Variants in CLINT1 observed in about 807,000 individuals in gnomAD.
The protein encoded by CLINT1 is clathrin interacting protein localized in the trans-Golgi region.
A neutral mutation model predicts 70.4 loss-of-function variants in CLINT1; 15 were observed. The ratio of observed to expected loss-of-function variants is 0.21; its 90% CI spans 0.14 to 0.33. The LOEUF (loss-of-function observed/expected upper bound fraction) is 0.33. Ranked by LOEUF, CLINT1 falls within the 10% of genes least tolerant of loss-of-function variation. The pLI is 1.00. For missense variants in CLINT1, 615 were observed against 778.1 expected (o/e 0.79, Z 2.49); for synonymous variants, 227 against 254.7 (o/e 0.89, Z 1.04).
chr5:157,850,641 T>C (rs1344254318), intron 1 of CLINT1, among the ~76,000 whole-genome samples: 3 of 139,408 alleles, frequency 2.2e-5, no homozygotes, highest in South Asian at 2.3e-4. Context: ...AAAAAAAAAT[T>C]ATTTAACCAT....
At chr5:157,850,011 A>G (rs1248234997) in intron 1 of CLINT1, among the ~76,000 whole-genome samples, 1 of 152,196 alleles carries the variant, frequency 6.6e-6, no homozygotes, top group African/African-American at 2.4e-5. Context: ...AGAAAAAAAT[A>G]GTGACGAGTG....
At chr5:157,821,295 T>C (rs1561655672) in intron 1 of CLINT1, among the ~76,000 whole-genome samples, 1 of 152,224 alleles carries the variant, frequency 6.6e-6, no homozygotes, top group African/African-American at 2.4e-5. Flanking sequence ...TATCTAATGA[T>C]TTTTAACATT....
Position 157,787,855 on chromosome 5 carries a change from T to A in CLINT1, c.1669A>T (p.Met557Leu), listed in dbSNP as rs1243114617. 1.2e-6 allele frequency: 2 copies of A among 1,613,780 alleles called. No individual in the cohort carries two copies. Among genetic ancestry groups the A allele is most frequent in the African/African-American group, 1.3e-5 (1 of 74,890 alleles). Residue 557 changes from methionine (M) to leucine (L), a missense_variant, in exon 12 of 12, where the codon ATG becomes TTG. Physicochemically the swap from Met to Leu is conservative, Grantham distance 15. Transcript: ENST00000411809. Reference sequence around the variant, plus strand: ...GGGGCCATTCCCATGGTGCCAGTCATCACATTGGGCATGCTCATAGGCATG... The same window carrying A: ...GGGGCCATTCCCATGGTGCCAGTCAACACATTGGGCATGCTCATAGGCATG... The part of the protein sequence containing the change: ...GPMPMSMPNV[M>L]TGTMGMAPLG...
chr5:157,856,628 T>G (rs955797501), intron 1 of CLINT1, among the ~76,000 whole-genome samples: 1 of 152,174 alleles, frequency 6.6e-6, no homozygotes, highest in Non-Finnish European at 1.5e-5. Flanking sequence ...GATGCTTACA[T>G]TTGGGGGGAA....
chr5:157,786,706 T>C lies in CLINT1; in HGVS notation c.*940A>G, dbSNP rs1211024345. ...ACTGTATAAAATCTAAAAGCAAACA[T>C]TGAGTTGTAACATTTATATTTAACT... is the stretch of plus-strand genomic sequence containing the variant. On this transcript the variant is annotated 3_prime_UTR_variant, in exon 12 of 12. Transcript: ENST00000411809. The C allele has an allele frequency of 6.6e-6, 1 of 152,490 alleles. No homozygotes were observed. Among genetic ancestry groups the C allele is most frequent in the Non-Finnish European group, 1.5e-5 (1 of 67,998 alleles). 9.4% of individuals were successfully genotyped at this position (152,490 alleles called of 1,614,324 possible). A position where few individuals can be genotyped will look rare whatever the true frequency, so the allele number is the denominator to read the frequency against.
At chr5:157,845,614 C>T (rs1240156785) in intron 1 of CLINT1, among the ~76,000 whole-genome samples, 3 of 149,766 alleles carry the variant, frequency 2.0e-5, no homozygotes, top group Non-Finnish European at 4.4e-5. Flanking sequence ...TGCAGTGGCG[C>T]GATCTTGGCT....
intron 1 of CLINT1, among the ~76,000 whole-genome samples, chr5:157,832,447 T>C (rs1435415304): frequency 6.6e-6 from 1 of 152,236 alleles, no homozygotes; most frequent in Non-Finnish European, 1.5e-5. Context: ...GGATATTTGA[T>C]ACCATCTTTG....
intron 1 of CLINT1, among the ~76,000 whole-genome samples, chr5:157,840,178 G>A (rs1753115360): frequency 8.7e-6 from 1 of 115,150 alleles, no homozygotes; most frequent in East Asian, 2.9e-4. Flanking sequence ...CTGGGCAACA[G>A]CGTGAGACTG....
At chr5:157,803,759 G>A in intron 7 of CLINT1, 40 bp from the exon 8 acceptor site, 1 of 1,459,262 alleles carries the variant, frequency 6.9e-7, no homozygotes, top group Non-Finnish European at 9.2e-7. Context: ...CGAAAAGTTT[G>A]TTTTTCTAAA....
intron 1 of CLINT1, among the ~76,000 whole-genome samples, chr5:157,856,030 C>T (rs368303897): frequency 6.6e-6 from 1 of 152,138 alleles, no homozygotes; most frequent in Non-Finnish European, 1.5e-5. Context: ...GAGTACATTT[C>T]TTTTTCTGAA....
chr5:157,836,939 T>C (rs1466938721), intron 1 of CLINT1, among the ~76,000 whole-genome samples: 1 of 152,214 alleles, frequency 6.6e-6, no homozygotes, highest in Admixed American at 6.5e-5. Flanking sequence ...TGTTTACAGG[T>C]ATATTTTCAA....
intron 1 of CLINT1, among the ~76,000 whole-genome samples, chr5:157,828,117 G>GGAA (rs1219837472): frequency 6.6e-6 from 1 of 152,110 alleles, no homozygotes; most frequent in Non-Finnish European, 1.5e-5. Context: ...TGTTGTATAT[G>GGAA]GAAGCCCTTC....
intron 10 of CLINT1, 92 bp downstream of exon 10, chr5:157,791,611 T>C: frequency 1.6e-6 from 2 of 1,222,764 alleles, no homozygotes; most frequent in South Asian, 1.5e-5. Context: ...AGGACTTGCT[T>C]ATTTTTCTGT....
chr5:157,837,026 C>T (rs888919895), intron 1 of CLINT1, among the ~76,000 whole-genome samples: 1 of 152,196 alleles, frequency 6.6e-6, no homozygotes, highest in African/African-American at 2.4e-5. Flanking sequence ...CTTCCTGTTA[C>T]TTCTGGTTAT....
intron 6 of CLINT1, among the ~76,000 whole-genome samples, chr5:157,806,963 GGAGAGA>G (rs3836885): frequency 0.13 from 19,230 of 145,872 alleles, 1,685 homozygotes; most frequent in African/African-American, 0.25. Context: ...GATGTAAGTA[GGAGAGA>G]GAGAGAGAGA....
intron 8 of CLINT1, among the ~76,000 whole-genome samples, chr5:157,802,538 C>T (rs534645258): frequency 9.5e-5 from 14 of 147,152 alleles, no homozygotes; most frequent in African/African-American, 3.7e-4. Context: ...TGCTGTAGCC[C>T]TCTCTTTTTT....
chr5:157,794,903 GAAGGGA>G lies in CLINT1; in HGVS notation c.1076_1081del (p.Phe359_Pro360del). The G allele has an allele frequency of 6.4e-7, 1 of 1,557,412 alleles. No individual in the cohort carries two copies. Among genetic ancestry groups the G allele is most frequent in the Non-Finnish European group, 8.7e-7 (1 of 1,149,864 alleles). ...CCAATCAAATTGAATCATACCTTGG[GAAGGGA>G]AACTGCCTGATGCAGCAGCTGAGCC... is the stretch of plus-strand genomic sequence containing the variant. On this transcript the variant is annotated inframe_deletion, in exon 9 of 12. Transcript: ENST00000411809.
intron 1 of CLINT1, among the ~76,000 whole-genome samples, chr5:157,818,063 T>C (rs910553428): frequency 1.3e-5 from 2 of 152,192 alleles, no homozygotes; most frequent in African/African-American, 4.8e-5. Context: ...TGAACTGTGA[T>C]CCTTGAGTCT....
At chr5:157,812,582 T>C (rs1163219876) in intron 5 of CLINT1, among the ~76,000 whole-genome samples, 2 of 152,192 alleles carry the variant, frequency 1.3e-5, no homozygotes, top group East Asian at 3.8e-4. Context: ...TATGTCAAAG[T>C]ATGCAATGCT....
Sources: gnomAD v4.1 joint callset for allele counts (sites outside exome capture counted in the v4.1 genomes callset) on GRCh38, gnomAD v4.1.1 for gene constraint, MANE v1.5 for transcripts, NCBI Gene and HGNC (gene_info 2026-07-23, HGNC 2026-07-21) for gene names.